The following FMO4 variants were observed in gnomAD, a reference collection of about 807,000 sequenced individuals.
FMO4 encodes the protein flavin containing dimethylaniline monoxygenase 4.
A neutral mutation model predicts 43.3 loss-of-function variants in FMO4; 38 were observed. That is an observed-to-expected ratio of 0.88 (90% CI 0.68 to 1.15). The LOEUF (loss-of-function observed/expected upper bound fraction) is 1.15. Among genes scored for constraint, FMO4 ranks in the 50% most tolerant of loss-of-function variants. The pLI, the probability that FMO4 is intolerant of heterozygous loss-of-function variation, is 0.00. For synonymous variants in FMO4, 224 were observed against 232.2 expected, an observed-to-expected ratio of 0.96 and a Z score of 0.32; for missense variants, 631 against 663.3, an observed-to-expected ratio of 0.95 and a Z score of 0.54.
chr1:171,341,890 T>C lies in FMO4; in HGVS notation c.*51T>C. ...AAGTCATGCTAATTCTATCTCCAAG[T>C]ATCTTGTGCATCCCTCCTCTGCTCT... is the stretch of plus-strand genomic sequence containing the variant. On this transcript the variant is annotated 3_prime_UTR_variant, in exon 10 of 10. Transcript: ENST00000367749. 1.4e-6 allele frequency: 2 copies of C among 1,447,796 alleles called. No individual in the cohort carries two copies. Among genetic ancestry groups the C allele is most frequent in the Non-Finnish European group, 1.9e-6 (2 of 1,058,582 alleles). The allele number at this position is 1,447,796 out of a possible 1,614,324, so 89.7% of individuals were successfully genotyped here. A position where few individuals can be genotyped will look rare whatever the true frequency, so the allele number is the denominator to read the frequency against.
At chr1:171,339,819 C>G (rs1404027542) in intron 9 of FMO4, among the ~76,000 whole-genome samples, 2 of 152,170 alleles carry the variant, frequency 1.3e-5, no homozygotes, top group Non-Finnish European at 2.9e-5. Flanking sequence ...CCTTGGGAAC[C>G]TCCAAACTCA....
At chr1:171,316,855 G>T (rs540843026) in intron 2 of FMO4, among the ~76,000 whole-genome samples, 9 of 152,158 alleles carry the variant, frequency 5.9e-5, no homozygotes, top group Non-Finnish European at 1.3e-4. Flanking sequence ...TTAGGGTCAG[G>T]TAAGTCTAAG....
intron 6 of FMO4, 71 bp downstream of exon 6, chr1:171,331,853 C>G: frequency 7.1e-7 from 1 of 1,399,506 alleles, no homozygotes. Flanking sequence ...ATATTCAAAA[C>G]TATGAAGTAC....
chr1:171,337,975 T>C (rs369863319), intron 9 of FMO4, among the ~76,000 whole-genome samples: 15 of 152,050 alleles, frequency 9.9e-5, no homozygotes, highest in African/African-American at 3.6e-4. Flanking sequence ...CACTTAGATA[T>C]TTAATAGGCG....
chr1:171,319,732 T>G, intron 2 of FMO4, 86 bp from the exon 3 acceptor site: 2 of 1,163,238 alleles, frequency 1.7e-6, no homozygotes, highest in African/African-American at 1.5e-5. Flanking sequence ...AAGGCATATA[T>G]AGCACTACAA....
chr1:171,318,957 C>T (rs1662300952), intron 2 of FMO4, among the ~76,000 whole-genome samples: 1 of 152,184 alleles, frequency 6.6e-6, no homozygotes. Flanking sequence ...TGCTTTTGGG[C>T]TCTGGCCCCA....
At chr1:171,325,104 G>A (rs778469137) in intron 5 of FMO4, among the ~76,000 whole-genome samples, 1 of 152,102 alleles carries the variant, frequency 6.6e-6, no homozygotes, top group African/African-American at 2.4e-5. Flanking sequence ...GTGAGACTCT[G>A]TCTCAAAAAT....
intron 1 of FMO4, among the ~76,000 whole-genome samples, chr1:171,315,273 CAG>C (rs1032308431): frequency 1.8e-4 from 27 of 152,178 alleles, no homozygotes; most frequent in Non-Finnish European, 1.6e-4. Context: ...GCCTGGAAGA[CAG>C]AGTGAGACTC....
In FMO4 at chr1:171,322,254, C is replaced by T. The variant is rs184211201; in HGVS notation, c.133-750C>T. Among the ~76,000 whole-genome samples the T allele has an allele frequency of 1.7e-3, 254 of 151,890 alleles. 2 individuals carry two copies. Among genetic ancestry groups the T allele is most frequent in the African/African-American group, 5.6e-3 (232 of 41,416 alleles). Reference sequence around the variant, plus strand: ...TAAAGGAAGGTAGATTGGGAATATACGGAGACAATAATGAGAAAAATTAGT... The same window carrying T: ...TAAAGGAAGGTAGATTGGGAATATATGGAGACAATAATGAGAAAAATTAGT... On this transcript the variant is annotated intron_variant, in intron 3 of 9. Transcript: ENST00000367749.
intron 5 of FMO4, among the ~76,000 whole-genome samples, chr1:171,325,316 G>A (rs1314766434): frequency 6.6e-6 from 1 of 152,114 alleles, no homozygotes; most frequent in Non-Finnish European, 1.5e-5. Context: ...TCAGTTGAGG[G>A]AAATAAAATT....
intron 8 of FMO4, among the ~76,000 whole-genome samples, chr1:171,337,018 T>C (rs1394351983): frequency 3.3e-5 from 5 of 151,574 alleles, no homozygotes; most frequent in Non-Finnish European, 7.4e-5. Context: ...TACAATATAA[T>C]ATAAATTATA....
chr1:171,318,062 TC>T (rs1485989584), intron 2 of FMO4, among the ~76,000 whole-genome samples: 9 of 152,256 alleles, frequency 5.9e-5, no homozygotes, highest in African/African-American at 1.7e-4. Context: ...ACGTCTGTAA[TC>T]CCAGCACTTT....
intron 9 of FMO4, among the ~76,000 whole-genome samples, chr1:171,338,118 C>T (rs1181248949): frequency 6.6e-6 from 1 of 152,150 alleles, no homozygotes; most frequent in African/African-American, 2.4e-5. Flanking sequence ...AAACCAAGTT[C>T]AGTCAAAAAC....
rs1334175900 is a variant in FMO4, at chr1:171,341,895, T to C, written c.*56T>C. On this transcript the variant is annotated 3_prime_UTR_variant, in exon 10 of 10. Coordinates refer to ENST00000367749, the MANE Select transcript of FMO4 (RefSeq NM_002022.3). ...ATGCTAATTCTATCTCCAAGTATCT[T>C]GTGCATCCCTCCTCTGCTCTCCATC... The C allele has an allele frequency of 2.2e-5, 31 of 1,392,598 alleles. No homozygotes were observed. The Admixed American group carries it at 5.7e-4, about 26-fold the overall frequency. The allele number at this position is 1,392,598 out of a possible 1,614,324, so 86.3% of individuals were successfully genotyped here.
intron 9 of FMO4, among the ~76,000 whole-genome samples, chr1:171,338,915 CATTT>C (rs1254210181): frequency 1.3e-5 from 2 of 152,128 alleles, no homozygotes; most frequent in African/African-American, 2.4e-5. Context: ...ACTTAATGTT[CATTT>C]ATTTATTTAC....
At chr1:171,336,008 A>T (rs1663099592) in intron 8 of FMO4, among the ~76,000 whole-genome samples, 1 of 152,212 alleles carries the variant, frequency 6.6e-6, no homozygotes, top group Non-Finnish European at 1.5e-5. Context: ...CATAGGAGTA[A>T]TGGCATGCTT....
Position 171,324,120 on chromosome 1 carries a change from T to A in FMO4, c.322-18T>A. ...CAAGGGTGTTAGTGAGAAGTGAGTG[T>A]TTGTCTTTCACTTTTAGACCACTGT... On this transcript the variant is annotated intron_variant, in intron 4 of 9. Transcript: ENST00000367749. 1 of 1,598,706 alleles carries A rather than the reference T, an allele frequency of 6.3e-7. No individual in the cohort carries two copies. Among genetic ancestry groups the A allele is most frequent in the African/African-American group, 1.3e-5 (1 of 74,564 alleles).
rs45496195 is a variant in FMO4 at position 171,334,319 on chromosome 1, C to A, written c.828-92C>A. The A allele has an allele frequency of 6.9e-3, 4,973 of 723,476 alleles. 156 individuals are homozygous for A. In the African/African-American group the frequency reaches 0.071, roughly 10 times the overall value. The allele number at this position is 723,476 out of a possible 1,614,324, so 44.8% of individuals were successfully genotyped here. ...TGGTTAATTCTCTTCCTTAGCTTGG[C>A]AGGTAATTTCCCTGAATTGGCTAAG... On this transcript the variant is annotated intron_variant, in intron 7 of 9. Coordinates refer to ENST00000367749, the MANE Select transcript of FMO4 (RefSeq NM_002022.3).
At chr1:171,319,164 T>C (rs1382467587) in intron 2 of FMO4, among the ~76,000 whole-genome samples, 1 of 152,152 alleles carries the variant, frequency 6.6e-6, no homozygotes, top group Non-Finnish European at 1.5e-5. Flanking sequence ...GGGTATTTTA[T>C]TGAGTGGTGG....
Sources: gnomAD v4.1 joint callset for allele counts (sites outside exome capture counted in the v4.1 genomes callset) on GRCh38, gnomAD v4.1.1 for gene constraint, MANE v1.5 for transcripts, NCBI Gene and HGNC (gene_info 2026-07-23, HGNC 2026-07-21) for gene names.